The following ABI3BP variants were observed in gnomAD, a reference collection of about 807,000 sequenced individuals.
The protein encoded by ABI3BP is ABI family member 3 binding protein.
In ABI3BP, 216 loss-of-function variants were observed where a neutral mutation model predicts 268.6. The observed-to-expected ratio is 0.80, with a 90% CI of 0.72 to 0.90. ABI3BP has a LOEUF of 0.90. ABI3BP is among the 40% of genes least tolerant of loss of function. The pLI is 0.00. For missense variants in ABI3BP, 2,090 were observed against 2,182.4 expected, an observed-to-expected ratio of 0.96 and a Z score of 0.84; for synonymous variants, 730 against 730.0, an observed-to-expected ratio of 1.00 and a Z score of 0.00.
chr3:100,902,628 C>A lies in ABI3BP; in HGVS notation c.318G>T (p.Lys106Asn), dbSNP rs776571810. The A allele has an allele frequency of 9.3e-6, 15 of 1,613,854 alleles. No individual in the cohort carries two copies. Among genetic ancestry groups the A allele is most frequent in the Non-Finnish European group, 1.3e-5 (15 of 1,179,800 alleles). Reference sequence around the variant, plus strand: ...TGCAAAGGACTATACCTGAACATGACTTCTTTTGACTTGGAGGTGGAGCAG... The same window carrying A: ...TGCAAAGGACTATACCTGAACATGAATTCTTTTGACTTGGAGGTGGAGCAG... Reference protein sequence around the residue: ...VRPAPPPSQKKSCSGKTRSRK... With the variant: ...VRPAPPPSQKNSCSGKTRSRK... The change falls in exon 3 of 68, where the codon AAG (lysine) becomes AAT (asparagine). Residue 106 changes from lysine (K) to asparagine (N), a missense_variant. Transcript: ENST00000471714.
At chr3:100,876,267 A>G (rs1374301864) in intron 7 of ABI3BP, among the ~76,000 whole-genome samples, 1 of 152,148 alleles carries the variant, frequency 6.6e-6, no homozygotes, top group Non-Finnish European at 1.5e-5. Flanking sequence ...AAAATTTAAT[A>G]CTTGTGATGG....
At chr3:100,880,428 C>T (rs1209340251) in intron 6 of ABI3BP, among the ~76,000 whole-genome samples, 1 of 152,174 alleles carries the variant, frequency 6.6e-6, no homozygotes, top group Admixed American at 6.5e-5. Context: ...AGGAAGTAAG[C>T]ATATTTCTTT....
At chr3:100,956,552 A>G (rs998563624) in intron 1 of ABI3BP, among the ~76,000 whole-genome samples, 2 of 152,208 alleles carry the variant, frequency 1.3e-5, no homozygotes, top group African/African-American at 4.8e-5. Context: ...AGGCCCTGGT[A>G]AACAAGTGAT....
chr3:100,752,815 G>C lies in ABI3BP; in HGVS notation c.5094C>G (p.Tyr1698Ter), dbSNP rs779960360. The change falls in exon 66 of 68, where the codon TAC becomes TAG. Residue 1698 changes from tyrosine (Y) to a stop codon, truncating the protein, a stop_gained. Transcript: ENST00000471714. LOFTEE classifies it high-confidence loss of function. ...VGVQLCNSLRYKIYLSDSLTG... is the reference protein window; with the variant it reads ...VGVQLCNSLR ...TGAGGGAGTCGCTCAAGTAAATCTT[G>C]TATCTGAGAGAGTTGCACAGCTGCA... 1.2e-6 allele frequency: 2 copies of C among 1,613,116 alleles called. No homozygotes were observed. Among genetic ancestry groups the C allele is most frequent in the Admixed American group, 3.3e-5 (2 of 59,970 alleles).
In ABI3BP at chr3:100,775,349, C is replaced by T. The variant is rs773847354; in HGVS notation, c.4334-14G>A. On this transcript the variant is annotated splice_polypyrimidine_tract_variant and intron_variant, in intron 59 of 67. Transcript: ENST00000471714. Reference sequence around the variant, plus strand: ...ATGAAATGATTCCTGTAAAGTAGAGCCAAAGTAGTCAGGCTTTATAGGAAC... The same window carrying T: ...ATGAAATGATTCCTGTAAAGTAGAGTCAAAGTAGTCAGGCTTTATAGGAAC... The T allele has an allele frequency of 1.3e-6, 2 of 1,593,232 alleles. No individual in the cohort carries two copies. The highest frequency in any genetic ancestry group is 2.3e-5 in the South Asian group (2 of 87,812).
intron 21 of ABI3BP, 42 bp downstream of exon 21, chr3:100,841,956 T>C (rs1181662606): frequency 1.4e-6 from 2 of 1,443,644 alleles, no homozygotes; most frequent in South Asian, 2.4e-5. Flanking sequence ...TGGAGAGTGT[T>C]AAAGATACTT....
rs536586333 is a variant in ABI3BP at position 100,803,839 on chromosome 3, T to G, written c.3757+953A>C. Among the ~76,000 whole-genome samples the G allele has an allele frequency of 2.0e-5, 3 of 152,322 alleles. No individual in the cohort carries two copies. The South Asian group carries it at 6.2e-4, about 32-fold the overall frequency. Reference sequence around the variant, plus strand: ...AGGGCAAAGGAGATTCTCTCTAGCCTGCTACCACCACCACCAAAGTGACTA... The same window carrying G: ...AGGGCAAAGGAGATTCTCTCTAGCCGGCTACCACCACCACCAAAGTGACTA... On this transcript the variant is annotated intron_variant, in intron 51 of 67. Transcript: ENST00000471714.
intron 6 of ABI3BP, among the ~76,000 whole-genome samples, chr3:100,878,961 G>A (rs1221029356): frequency 2.0e-5 from 3 of 152,050 alleles, no homozygotes; most frequent in African/African-American, 4.8e-5. Flanking sequence ...TGCACAATGC[G>A]GGATGATTAA....
chr3:100,965,534 A>G (rs993540296), intron 1 of ABI3BP, among the ~76,000 whole-genome samples: 1 of 152,088 alleles, frequency 6.6e-6, no homozygotes, highest in African/African-American at 2.4e-5. Flanking sequence ...GGAAGTATTC[A>G]ATTAACCATC....
intron 1 of ABI3BP, among the ~76,000 whole-genome samples, chr3:100,952,082 T>G (rs1264501234): frequency 6.6e-6 from 1 of 152,162 alleles, no homozygotes; most frequent in Admixed American, 6.6e-5. Context: ...CTCCTGCTAA[T>G]ATTCTGATCT....
intron 63 of ABI3BP, among the ~76,000 whole-genome samples, chr3:100,759,635 A>G (rs973791139): frequency 1.3e-5 from 2 of 152,152 alleles, no homozygotes; most frequent in African/African-American, 2.4e-5. Flanking sequence ...CCCTTCCTAA[A>G]TGCCAAGCAA....
intron 24 of ABI3BP, among the ~76,000 whole-genome samples, chr3:100,838,816 G>T (rs1319094866): frequency 6.6e-6 from 1 of 152,144 alleles, no homozygotes; most frequent in African/African-American, 2.4e-5. Flanking sequence ...GTAGAAATCT[G>T]ATTGCTTAGG....
chr3:100,856,569 C>A (rs1225639407), intron 14 of ABI3BP, among the ~76,000 whole-genome samples: 1 of 152,162 alleles, frequency 6.6e-6, no homozygotes, highest in African/African-American at 2.4e-5. Flanking sequence ...TTTTTCTGGA[C>A]ACTTGGGAGA....
intron 1 of ABI3BP, among the ~76,000 whole-genome samples, chr3:100,963,895 G>C (rs988487431): frequency 6.6e-6 from 1 of 152,208 alleles, no homozygotes; most frequent in Non-Finnish European, 1.5e-5. Flanking sequence ...TGACTCAAGA[G>C]TTCCTTTCTT....
At chr3:100,938,420 C>T (rs1011383783) in intron 1 of ABI3BP, among the ~76,000 whole-genome samples, 2 of 151,996 alleles carry the variant, frequency 1.3e-5, no homozygotes, top group African/African-American at 4.8e-5. Context: ...TCTCCCTGTC[C>T]TGCCACCAGG....
chr3:100,852,119 C>T (rs1312977351), intron 14 of ABI3BP, among the ~76,000 whole-genome samples, 179 bp from the exon 15 acceptor site: 1 of 152,152 alleles, frequency 6.6e-6, no homozygotes, highest in African/African-American at 2.4e-5. Context: ...CGAAACTCGC[C>T]TTTGGTCCTT....
At chr3:100,805,216 A>C (rs2097669905) in intron 50 of ABI3BP, among the ~76,000 whole-genome samples, 1 of 152,094 alleles carries the variant, frequency 6.6e-6, no homozygotes, top group Admixed American at 6.6e-5. Flanking sequence ...TTCTCCTTAA[A>C]CCCATTTTTA....
Position 100,812,504 on chromosome 3 carries a change from C to T in ABI3BP, c.3384G>A (p.Ser1128=), listed in dbSNP as rs187264734. The change falls in exon 46 of 68, where the codon TCG becomes TCA. Residue 1128 remains serine (S), a synonymous_variant. Transcript: ENST00000471714. ...ESQPVSDVLE[S]VTLSTESPKE... ...TTGGTGACTCAGTACTAAGTGTAACCGATTCCAGAACATCAGAAACTAGTA... is the reference window on the plus strand; with the variant it reads ...TTGGTGACTCAGTACTAAGTGTAACTGATTCCAGAACATCAGAAACTAGTA... The T allele has an allele frequency of 4.9e-5, 65 of 1,326,610 alleles. No homozygotes were observed. The highest frequency in any genetic ancestry group is 1.4e-4 in the Admixed American group (4 of 28,748). The allele number at this position is 1,326,610 out of a possible 1,614,324, so 82.2% of individuals were successfully genotyped here.
chr3:100,751,625 G>T lies in ABI3BP; in HGVS notation c.5172C>A (p.Cys1724Ter). The part of the protein sequence containing the change: ...GDQRGHGEDH[C>*]QFVDSFLDGR... Reference sequence around the variant, plus strand: ...CATCTAAAAATGAATCCACAAACTGGCAGTGATCTTCTCCATGGCCCCTCT... The same window carrying T: ...CATCTAAAAATGAATCCACAAACTGTCAGTGATCTTCTCCATGGCCCCTCT... The change falls in exon 67 of 68, where the codon TGC (cysteine) becomes TGA (stop). Residue 1724 changes from cysteine to a stop codon, truncating the protein, a stop_gained. Transcript: ENST00000471714. LOFTEE classifies it high-confidence loss of function. The T allele has an allele frequency of 6.2e-7, 1 of 1,603,366 alleles. No homozygotes were observed. Among genetic ancestry groups the T allele is most frequent in the Non-Finnish European group, 8.5e-7 (1 of 1,174,248 alleles).
Sources: allele counts gnomAD v4.1 joint callset (sites outside exome capture counted in the v4.1 genomes callset), GRCh38; gene constraint gnomAD v4.1.1; transcripts MANE v1.5; gene names NCBI Gene and HGNC (gene_info 2026-07-23, HGNC 2026-07-21).